MLLT1: variants seen among roughly 807,000 people sequenced by gnomAD.
The protein encoded by MLLT1 is MLLT1 super elongation complex subunit.
A neutral mutation model predicts 55.1 loss-of-function variants in MLLT1; 11 were observed. The ratio of observed to expected loss-of-function variants is 0.20; its 90% CI spans 0.13 to 0.33. MLLT1 has a LOEUF of 0.33. Ranked by LOEUF, MLLT1 falls within the 10% of genes least tolerant of loss-of-function variation. MLLT1 has a pLI of 1.00. For missense variants in MLLT1, 536 were observed against 760.6 expected, an observed-to-expected ratio of 0.70 and a Z score of 3.47; for synonymous variants, 323 against 320.1, an observed-to-expected ratio of 1.01 and a Z score of -0.10.
chr19:6,245,959 T>C (rs894579859), intron 3 of MLLT1, among the ~76,000 whole-genome samples: 6 of 152,072 alleles, frequency 3.9e-5, no homozygotes, highest in African/African-American at 1.4e-4. Context: ...ATGCCTGTAA[T>C]CCCAGCTACT....
At chr19:6,279,580 G>A (rs1289734011) in intron 1 of MLLT1, among the ~76,000 whole-genome samples, 193 bp downstream of exon 1, 1 of 151,514 alleles carries the variant, frequency 6.6e-6, no homozygotes, top group Admixed American at 6.6e-5. Context: ...AAGGGTGTCC[G>A]AGGCGCCCTG....
At chr19:6,213,861 C>G in intron 9 of MLLT1, 64 bp from the exon 10 acceptor site, 1 of 1,587,574 alleles carries the variant, frequency 6.3e-7, no homozygotes, top group Non-Finnish European at 8.6e-7. Flanking sequence ...GAAGGCCCCA[C>G]AAACCCTCCT....
intron 2 of MLLT1, among the ~76,000 whole-genome samples, chr19:6,265,599 G>T (rs535275345): frequency 6.6e-6 from 1 of 152,126 alleles, no homozygotes; most frequent in East Asian, 1.9e-4. Context: ...GAACCTGGGA[G>T]GCGGAGGTTG....
intron 5 of MLLT1, among the ~76,000 whole-genome samples, chr19:6,225,346 G>A (rs2090945385): frequency 6.6e-6 from 1 of 152,238 alleles, no homozygotes; most frequent in African/African-American, 2.4e-5. Flanking sequence ...TGGGCTCAGG[G>A]AGCCCTGCTG....
At position 6,212,337 on chromosome 19, in the gene MLLT1, T is replaced by G. The variant is rs2144836746; in HGVS notation, c.*705A>C. On this transcript the variant is annotated 3_prime_UTR_variant, in exon 12 of 12. Transcript: ENST00000252674. ...CTCCATGCGCCTGGAGAGGGCCAGCTGCCGTGCCTGGCTCGGCCTCCAGCC... is the reference window on the plus strand; with the variant it reads ...CTCCATGCGCCTGGAGAGGGCCAGCGGCCGTGCCTGGCTCGGCCTCCAGCC... 9.5e-7 allele frequency: 1 copy of G among 1,053,846 alleles called. No individual in the cohort carries two copies. The highest frequency in any genetic ancestry group is 5.1e-5 in the East Asian group (1 of 19,670). 65.3% of individuals were successfully genotyped at this position (1,053,846 alleles called of 1,614,324 possible). A position where few individuals can be genotyped will look rare whatever the true frequency, so the allele number is the denominator to read the frequency against.
At chr19:6,263,484 G>T (rs6417192) in intron 2 of MLLT1, 149,716 of 152,560 alleles carry the variant, frequency 0.98, 73,477 homozygotes, top group East Asian at 1. Flanking sequence ...TTCCCAAATC[G>T]ACTGTCACAT....
At position 6,262,851 on chromosome 19, in the gene MLLT1, T is replaced by C. The variant is rs1386558942; in HGVS notation, c.194-541A>G. Among the ~76,000 whole-genome samples, 2 of 150,600 alleles carry C rather than the reference T, an allele frequency of 1.3e-5. No individual in the cohort carries two copies. The highest frequency in any genetic ancestry group is 3.0e-5 in the Non-Finnish European group (2 of 67,766). On this transcript the variant is annotated intron_variant, in intron 2 of 11. Coordinates refer to ENST00000252674, the MANE Select transcript of MLLT1 (RefSeq NM_005934.4). This position sits in a 1 kb window ranked among gnomAD's most constrained non-coding sequence, Gnocchi z 4.4. The stretch of plus-strand genomic sequence containing the variant: ...AGCACCTAATAAGAGCATTCCCAAG[T>C]GACGCAAACAAAACCCCATTGACCC...
rs1179641630 is a variant in MLLT1 at position 6,211,732 on chromosome 19, C to G, written c.*1310G>C. The G allele has an allele frequency of 3.8e-6, 4 of 1,064,522 alleles. No homozygotes were observed. The highest frequency in any genetic ancestry group is 4.6e-6 in the Non-Finnish European group (4 of 878,852). The allele number at this position is 1,064,522 out of a possible 1,614,324, so 65.9% of individuals were successfully genotyped here. On this transcript the variant is annotated 3_prime_UTR_variant, in exon 12 of 12. Transcript: ENST00000252674. The surrounding 1 kb of genome is among the most constrained non-coding windows in gnomAD (Gnocchi z 4.6). ...GGAAACAGAGGCTAACCAGGCAGGC[C>G]TCCAGCCCCTGGGACCCCCAGCCAC... is the stretch of plus-strand genomic sequence containing the variant.
At chr19:6,242,394 A>T (rs1385297657) in intron 3 of MLLT1, among the ~76,000 whole-genome samples, 1 of 152,048 alleles carries the variant, frequency 6.6e-6, no homozygotes, top group Non-Finnish European at 1.5e-5. Context: ...TTACTTTTAA[A>T]ACTCTCCACG....
At position 6,222,427 on chromosome 19, in the gene MLLT1, G is replaced by C. The variant is rs1170478276; in HGVS notation, c.804C>G (p.Pro268=). 6.6e-7 allele frequency: 1 copy of C among 1,524,980 alleles called. No homozygotes were observed. Among genetic ancestry groups the C allele is most frequent in the East Asian group, 2.3e-5 (1 of 42,654 alleles). 94.5% of individuals were successfully genotyped at this position (1,524,980 alleles called of 1,614,324 possible). A position where few individuals can be genotyped will look rare whatever the true frequency, so the allele number is the denominator to read the frequency against. Residue 268 remains proline, a synonymous_variant, in exon 6 of 12, where the codon CCC becomes CCG. Coordinates refer to ENST00000252674, the MANE Select transcript of MLLT1 (RefSeq NM_005934.4). The surrounding 1 kb of genome is among the most constrained non-coding windows in gnomAD (Gnocchi z 4.1). ...LKETKLESTS[P]KGGPPPPPPP... ...GGGGTGGGGGTGGGGGCCCACCCTTGGGGGACGTGCTTTCCAGCTTGGTCT... is the reference window on the plus strand; with the variant it reads ...GGGGTGGGGGTGGGGGCCCACCCTTCGGGGACGTGCTTTCCAGCTTGGTCT...
At chr19:6,257,889 G>T (rs1474437623) in intron 3 of MLLT1, among the ~76,000 whole-genome samples, 1 of 152,166 alleles carries the variant, frequency 6.6e-6, no homozygotes, top group Non-Finnish European at 1.5e-5. Flanking sequence ...GTGAAAAGAC[G>T]TGAAACATCA....
chr19:6,217,632 T>C (rs769062705), intron 7 of MLLT1, among the ~76,000 whole-genome samples: 12 of 152,052 alleles, frequency 7.9e-5, no homozygotes, highest in Non-Finnish European at 1.5e-4. Context: ...ACGCCGTCCG[T>C]CCATGGTCCC....
At chr19:6,246,016 T>A (rs1426198352) in intron 3 of MLLT1, among the ~76,000 whole-genome samples, 1 of 151,616 alleles carries the variant, frequency 6.6e-6, no homozygotes, top group African/African-American at 2.4e-5. Flanking sequence ...AGGTGGAGGT[T>A]GTAGTGGGCT....
Position 6,212,707 on chromosome 19 carries a change from CG to C in MLLT1, c.*334del. On this transcript the variant is annotated 3_prime_UTR_variant, in exon 12 of 12. Transcript: ENST00000252674. ...GCTGGGGCAGCGACGCCGCACAGCC[CG>C]CCGAGCAGTGGGGGCTGGTCCCAAG... 8.7e-7 allele frequency: 1 copy of C among 1,144,088 alleles called. No homozygotes were observed. Among genetic ancestry groups the C allele is most frequent in the African/African-American group, 1.6e-5 (1 of 62,042 alleles). 70.9% of individuals were successfully genotyped at this position (1,144,088 alleles called of 1,614,324 possible). A position where few individuals can be genotyped will look rare whatever the true frequency, so the allele number is the denominator to read the frequency against.
intron 2 of MLLT1, among the ~76,000 whole-genome samples, chr19:6,263,970 C>T (rs568073356): frequency 6.6e-6 from 1 of 151,942 alleles, no homozygotes; most frequent in Admixed American, 6.6e-5. Flanking sequence ...GGAGCGACTG[C>T]CACTGCGGGG....
At chr19:6,215,177 G>C (rs2090827356) in intron 8 of MLLT1, among the ~76,000 whole-genome samples, 1 of 152,264 alleles carries the variant, frequency 6.6e-6, no homozygotes, top group South Asian at 2.1e-4. Flanking sequence ...GGCAACGCAG[G>C]GACAAGGCCG....
intron 3 of MLLT1, among the ~76,000 whole-genome samples, chr19:6,248,228 G>A (rs971863353): frequency 6.6e-6 from 1 of 152,144 alleles, no homozygotes; most frequent in Non-Finnish European, 1.5e-5. Context: ...TTCTGGATTA[G>A]GGATACTCCA....
chr19:6,212,229 G>T lies in MLLT1; in HGVS notation c.*813C>A. ...TGGCTCCCGGGCGCCCTGAGGACTC[G>T]CTGCCCTTTGTAGTGTTGGCTGACC... On this transcript the variant is annotated 3_prime_UTR_variant, in exon 12 of 12. Transcript: ENST00000252674. 9.4e-7 allele frequency: 1 copy of T among 1,065,778 alleles called. No homozygotes were observed. The highest frequency in any genetic ancestry group is 4.6e-5 in the South Asian group (1 of 21,970). The allele number at this position is 1,065,778 out of a possible 1,614,324, so 66.0% of individuals were successfully genotyped here.
chr19:6,269,688 G>A (rs887297273), intron 2 of MLLT1, among the ~76,000 whole-genome samples: 1 of 152,146 alleles, frequency 6.6e-6, no homozygotes, highest in African/African-American at 2.4e-5. Flanking sequence ...GCTTGTGCAC[G>A]GCTCACCTCC....
Sources: gnomAD v4.1 joint callset for allele counts (sites outside exome capture counted in the v4.1 genomes callset) on GRCh38, gnomAD v4.1.1 for gene constraint, Gnocchi (gnomAD v3.1) non-coding constraint, MANE v1.5 for transcripts, NCBI Gene and HGNC (gene_info 2026-07-23, HGNC 2026-07-21) for gene names.